Variants in CPQ observed in about 807,000 individuals in gnomAD.
The protein encoded by CPQ is Ser-Met dipeptidase.
A neutral mutation model predicts 45.7 loss-of-function variants in CPQ; 37 were observed. That is an observed-to-expected ratio of 0.81 (90% CI 0.62 to 1.07). The LOEUF is 1.07. CPQ is among the 50% of genes least tolerant of loss of function. The pLI is 0.00. For missense variants in CPQ, 537 were observed against 572.9 expected, an observed-to-expected ratio of 0.94 and a Z score of 0.64; for synonymous variants, 186 against 205.8, an observed-to-expected ratio of 0.90 and a Z score of 0.82.
chr8:96,839,902 T>C (rs1811584218), intron 3 of CPQ, among the ~76,000 whole-genome samples: 1 of 152,210 alleles, frequency 6.6e-6, no homozygotes, highest in Admixed American at 6.5e-5. Context: ...TAGAAGTAGA[T>C]ACTGTATTGG....
chr8:97,043,864 T>G (rs965252342), intron 6 of CPQ, among the ~76,000 whole-genome samples: 20 of 152,216 alleles, frequency 1.3e-4, no homozygotes, highest in African/African-American at 3.1e-4. Flanking sequence ...CTGTTAGTCT[T>G]ATGGGCTTCC....
At chr8:96,825,244 T>C (rs533288554) in intron 2 of CPQ, among the ~76,000 whole-genome samples, 18 of 152,198 alleles carry the variant, frequency 1.2e-4, no homozygotes, top group African/African-American at 3.9e-4. Flanking sequence ...AAGTCTCCTC[T>C]GTCTTTGCAG....
chr8:96,998,964 T>C (rs1809223043), intron 5 of CPQ, among the ~76,000 whole-genome samples: 1 of 152,010 alleles, frequency 6.6e-6, no homozygotes, highest in Non-Finnish European at 1.5e-5. Flanking sequence ...GATACTAGCG[T>C]AGCAAAAGCT....
At chr8:96,688,211 CAT>C (rs1422400508) in intron 1 of CPQ, among the ~76,000 whole-genome samples, 1 of 152,008 alleles carries the variant, frequency 6.6e-6, no homozygotes, top group Non-Finnish European at 1.5e-5. Flanking sequence ...TTTCATTGAA[CAT>C]ATACTATGCT....
At chr8:96,883,068 A>G (rs1371958273) in intron 4 of CPQ, among the ~76,000 whole-genome samples, 1 of 152,184 alleles carries the variant, frequency 6.6e-6, no homozygotes, top group Non-Finnish European at 1.5e-5. Context: ...CACTCAGCAT[A>G]ATGCTTTTGA....
intron 1 of CPQ, among the ~76,000 whole-genome samples, chr8:96,669,115 G>A (rs1307576683): frequency 6.6e-6 from 1 of 152,144 alleles, no homozygotes; most frequent in East Asian, 1.9e-4. Context: ...CCAAGTAGAG[G>A]TACTTTCCTT....
At chr8:96,987,980 T>C (rs1344982461) in intron 5 of CPQ, among the ~76,000 whole-genome samples, 1 of 152,224 alleles carries the variant, frequency 6.6e-6, no homozygotes, top group African/African-American at 2.4e-5. Flanking sequence ...TAAAGTGATA[T>C]ATCTTTCCAC....
At chr8:96,906,541 T>C (rs979397396) in intron 4 of CPQ, among the ~76,000 whole-genome samples, 1 of 152,092 alleles carries the variant, frequency 6.6e-6, no homozygotes, top group African/African-American at 2.4e-5. Flanking sequence ...ATAACAAAAT[T>C]ATAATAAAAT....
chr8:97,101,572 C>CTTTTTTTTTTT (rs5893410), intron 7 of CPQ, among the ~76,000 whole-genome samples: 1 of 114,204 alleles, frequency 8.8e-6, no homozygotes, highest in Admixed American at 9.4e-5. Context: ...TTTCTTTTTT[C>CTTTTTTTTTTT]TTTTTTTTTT....
At chr8:96,684,081 T>G (rs1382678409) in intron 1 of CPQ, among the ~76,000 whole-genome samples, 1 of 152,238 alleles carries the variant, frequency 6.6e-6, no homozygotes, top group African/African-American at 2.4e-5. Context: ...ATTATTGTGT[T>G]TCTTTTGAAG....
intron 3 of CPQ, among the ~76,000 whole-genome samples, chr8:96,860,881 A>G (rs531889931): frequency 2.6e-5 from 4 of 152,152 alleles, no homozygotes; most frequent in Non-Finnish European, 4.4e-5. Context: ...TGTAGTATCT[A>G]TTTTCAAAAC....
chr8:96,986,005 C>T lies in CPQ; in HGVS notation c.961+19959C>T, dbSNP rs79031550. Among the ~76,000 whole-genome samples the T allele has an allele frequency of 1.6e-3, 237 of 152,294 alleles. 2 individuals are homozygous for T. Among genetic ancestry groups the T allele is most frequent in the Middle Eastern group, 3.4e-3 (1 of 294 alleles). ...CCTTTCGTGATCATAGGTTTGTAAA[C>T]ACTGGCATAACATTACTGATTGGAG... On this transcript the variant is annotated intron_variant, in intron 5 of 7. Transcript: ENST00000220763.
intron 7 of CPQ, among the ~76,000 whole-genome samples, chr8:97,105,123 C>T (rs941034721): frequency 5.3e-5 from 8 of 152,232 alleles, no homozygotes; most frequent in Non-Finnish European, 7.3e-5. Context: ...AGCATGCAGA[C>T]AGCTCTCGGG....
rs1399039572 is a variant in CPQ, at chr8:97,123,199, T to TAA, written c.1256-19818_1256-19817dup. 2.0e-3 allele frequency among the ~76,000 whole-genome samples: 134 copies of TAA among 66,212 alleles called. 1 individual carries two copies. The highest frequency in any genetic ancestry group is 2.5e-3 in the South Asian group (6 of 2,376). The allele number at this position is 66,212 out of a possible 152,430, so 43.4% of individuals were successfully genotyped here. On this transcript the variant is annotated intron_variant, in intron 7 of 7. Coordinates refer to ENST00000220763, the MANE Select transcript of CPQ (RefSeq NM_016134.4). Reference sequence around the variant, plus strand: ...AAATATAAAATAAAATAAAATAAAATAAAATAAAAAATAAAATAAAATAAA... The same window carrying TAA: ...AAATATAAAATAAAATAAAATAAAATAAAAAATAAAAAATAAAATAAAATAAA...
chr8:96,981,712 A>T (rs1813900735), intron 5 of CPQ, among the ~76,000 whole-genome samples: 1 of 152,254 alleles, frequency 6.6e-6, no homozygotes, highest in Non-Finnish European at 1.5e-5. Flanking sequence ...GGTTTTTGGT[A>T]AAGATGCAAA....
chr8:96,714,644 A>G (rs1035710977), intron 1 of CPQ, among the ~76,000 whole-genome samples: 1 of 152,002 alleles, frequency 6.6e-6, no homozygotes, highest in Non-Finnish European at 1.5e-5. Context: ...TGGTATTTCA[A>G]AGATTACTTC....
At chr8:96,832,161 G>A (rs1811468285) in intron 2 of CPQ, among the ~76,000 whole-genome samples, 1 of 152,064 alleles carries the variant, frequency 6.6e-6, no homozygotes, top group Non-Finnish European at 1.5e-5. Flanking sequence ...GTAGAATTTT[G>A]TGTAAAGTAA....
At chr8:96,788,266 C>T (rs1810800799) in intron 2 of CPQ, among the ~76,000 whole-genome samples, 1 of 151,640 alleles carries the variant, frequency 6.6e-6, no homozygotes, top group Non-Finnish European at 1.5e-5. Flanking sequence ...TCAAGTGATT[C>T]TCCTGCCTCA....
At chr8:96,781,826 TA>T (rs1810689624) in intron 1 of CPQ, among the ~76,000 whole-genome samples, 2 of 152,300 alleles carry the variant, frequency 1.3e-5, no homozygotes, top group Non-Finnish European at 2.9e-5. Flanking sequence ...AGGTATAGGA[TA>T]GACATTCCCA....
Sources: gnomAD v4.1 joint callset for allele counts (sites outside exome capture counted in the v4.1 genomes callset) on GRCh38, gnomAD v4.1.1 for gene constraint, MANE v1.5 for transcripts, NCBI Gene and HGNC (gene_info 2026-07-23, HGNC 2026-07-21) for gene names.